Variants in ZNF223 observed in about 807,000 individuals in gnomAD.
The protein encoded by ZNF223 is zinc finger protein 223.
A neutral mutation model predicts 12.3 loss-of-function variants in ZNF223; 9 were observed. The observed-to-expected ratio is 0.73, with a 90% confidence interval of 0.44 to 1.28. ZNF223 has a LOEUF of 1.28. Ranked by LOEUF, ZNF223 falls within the 50% of genes most tolerant of loss-of-function variation. The pLI, the probability that ZNF223 is intolerant of heterozygous loss-of-function variation, is 0.00. For missense variants in ZNF223, 506 were observed against 579.0 expected (o/e 0.87, Z 1.29); for synonymous variants, 171 against 195.2 (o/e 0.88, Z 1.03).
rs970730753 is a variant in ZNF223, at chr19:44,057,433, G to C, written c.15+2242G>C. Among the ~76,000 whole-genome samples, 13 of 152,094 alleles carry C rather than the reference G, an allele frequency of 8.5e-5. 1 individual carries two copies. Among genetic ancestry groups the C allele is most frequent in the Middle Eastern group, 3.2e-3 (1 of 316 alleles). On this transcript the variant is annotated intron_variant, in intron 2 of 4. Transcript: ENST00000434772. ...TGTGAAATTAAATATTTATTATTTA[G>C]TGTAGCTAAAAATAGATCATCAGTT...
chr19:44,058,102 A>C (rs1264794589), intron 2 of ZNF223, among the ~76,000 whole-genome samples: 1 of 152,216 alleles, frequency 6.6e-6, no homozygotes, highest in Non-Finnish European at 1.5e-5. Context: ...CTTGAAGGTC[A>C]TCTTCCTTCC....
At chr19:44,060,662 CAGTGGGAACCTAAATTTCCAATA>C in intron 3 of ZNF223, 64 bp from the exon 4 acceptor site, 1 of 1,613,186 alleles carries the variant, frequency 6.2e-7, no homozygotes, top group Non-Finnish European at 8.5e-7. Context: ...TTTGAGTGTG[CAGTGGGAACCTAAATTTCCAATA>C]AGTGTTACCG....
At chr19:44,059,504 A>G (rs914061781) in intron 2 of ZNF223, among the ~76,000 whole-genome samples, 13 of 152,196 alleles carry the variant, frequency 8.5e-5, no homozygotes, top group Non-Finnish European at 1.9e-4. Flanking sequence ...GAATAAATGC[A>G]GGGTAGCAGA....
chr19:44,066,958 G>A lies in ZNF223; in HGVS notation c.1130G>A (p.Cys377Tyr). Residue 377 changes from cysteine to tyrosine, a missense_variant, in exon 5 of 5, where the codon TGT becomes TAT. Cys to Tyr is a radical substitution (Grantham distance 194, BLOSUM62 -2). Coordinates refer to ENST00000434772, the MANE Select transcript of ZNF223 (RefSeq NM_013361.6). Reference protein sequence around the residue: ...TGEKPYKCDKCGKSYITKSGL... With the variant: ...TGEKPYKCDKYGKSYITKSGL... ...GAAAAGCCATACAAATGTGACAAGT[G>A]TGGGAAGAGCTACATTACTAAGTCA... 3 of 1,614,170 alleles carry A rather than the reference G, an allele frequency of 1.9e-6. No homozygotes were observed. Among genetic ancestry groups the A allele is most frequent in the Non-Finnish European group, 2.5e-6 (3 of 1,180,024 alleles).
chr19:44,053,029 A>T (rs190012996), intron 1 of ZNF223, among the ~76,000 whole-genome samples: 31 of 152,024 alleles, frequency 2.0e-4, no homozygotes, highest in Non-Finnish European at 2.5e-4. Context: ...CCTCTGCCCC[A>T]CCCTTCACCT....
intron 4 of ZNF223, among the ~76,000 whole-genome samples, chr19:44,065,577 C>CTTTTT (rs758805971): frequency 1.8e-4 from 20 of 113,708 alleles, no homozygotes; most frequent in African/African-American, 2.5e-4. Context: ...TCTTTCTTTT[C>CTTTTT]TTTTTTTTTT....
chr19:44,059,908 G>A (rs59559013), intron 2 of ZNF223, among the ~76,000 whole-genome samples: 1,545 of 152,266 alleles, frequency 0.01, 24 homozygotes, highest in African/African-American at 0.035. Flanking sequence ...TAGAAGTCAG[G>A]GGATGTTCAG....
In ZNF223 at chr19:44,066,241, T is replaced by C; in HGVS notation, c.413T>C (p.Leu138Pro). 1 of 1,614,218 alleles carries C rather than the reference T, an allele frequency of 6.2e-7. No homozygotes were observed. Among genetic ancestry groups the C allele is most frequent in the Non-Finnish European group, 8.5e-7 (1 of 1,180,034 alleles). ...GCCCACTCCCAGGTTGAGGAAGGAC[T>C]ATCTATAATGCACACAGGACAGAAA... ...GDAHSQVEEG[L>P]SIMHTGQKPS... The change falls in exon 5 of 5, where the codon CTA (leucine) becomes CCA (proline). Residue 138 changes from leucine (L) to proline (P), a missense_variant. By Grantham distance (98) the Leu-to-Pro change is moderately conservative (BLOSUM62 -3). Transcript: ENST00000434772.
chr19:44,062,141 G>A (rs968827573), intron 4 of ZNF223, among the ~76,000 whole-genome samples: 3 of 152,136 alleles, frequency 2.0e-5, no homozygotes, highest in African/African-American at 7.2e-5. Flanking sequence ...TAGGAATCAT[G>A]GAGCTAGCTA....
At chr19:44,054,536 A>G (rs1444643816) in intron 1 of ZNF223, among the ~76,000 whole-genome samples, 1 of 151,684 alleles carries the variant, frequency 6.6e-6, no homozygotes, top group Non-Finnish European at 1.5e-5. Flanking sequence ...GTGCATTAAC[A>G]GTTTTTTTTT....
chr19:44,062,948 G>A (rs942204256), intron 4 of ZNF223, among the ~76,000 whole-genome samples: 54 of 152,156 alleles, frequency 3.5e-4, no homozygotes, highest in African/African-American at 1.2e-3. Flanking sequence ...AAAAATGTGC[G>A]TATTTCCCTT....
chr19:44,051,829 G>A (rs1207862020), upstream of ZNF223: 1 of 152,236 alleles, frequency 6.6e-6, no homozygotes, highest in African/African-American at 2.4e-5. Flanking sequence ...ATTCTGGGAA[G>A]AGTAGTCCAT....
At chr19:44,051,886 G>A (rs1976704646), upstream of ZNF223, 1 of 152,152 alleles carries the variant, frequency 6.6e-6, no homozygotes, top group Non-Finnish European at 1.5e-5. Context: ...TGGGTATTTT[G>A]GCTCTGGCAG....
At chr19:44,052,320 G>C (rs1976711067) in intron 1 of ZNF223, 125 bp downstream of exon 1, 1 of 152,220 alleles carries the variant, frequency 6.6e-6, no homozygotes, top group African/African-American at 2.4e-5. Context: ...AGGGTTTCCA[G>C]GACTTTGACC....
intron 2 of ZNF223, among the ~76,000 whole-genome samples, chr19:44,059,221 G>T (rs1430886491): frequency 2.0e-5 from 3 of 152,212 alleles, no homozygotes; most frequent in Non-Finnish European, 4.4e-5. Context: ...CACTCATCCA[G>T]TCCTGGTTTT....
chr19:44,056,447 G>T (rs1310908967), intron 2 of ZNF223, among the ~76,000 whole-genome samples: 2 of 145,122 alleles, frequency 1.4e-5, no homozygotes, highest in African/African-American at 2.5e-5. Context: ...CAGGAGAATG[G>T]CGTGAACCCA....
In ZNF223 at chr19:44,067,161, G is replaced by A. The variant is rs970886757; in HGVS notation, c.1333G>A (p.Asp445Asn). 1.2e-6 allele frequency: 2 copies of A among 1,612,424 alleles called. No individual in the cohort carries two copies. Among genetic ancestry groups the A allele is most frequent in the East Asian group, 4.5e-5 (2 of 44,874 alleles). ...GCTTGTATACCGGTCATACCGTAAA[G>A]ACCAACAAAAAAACCACAGTGGAGA... ...KKLVYRSYRK[D>N]QQKNHSGENP... is the part of the protein sequence containing the mutation. Residue 445 changes from aspartate to asparagine, a missense_variant, in exon 5 of 5, where the codon GAC becomes AAC. By Grantham distance (23) the Asp-to-Asn change is conservative. Transcript: ENST00000434772.
At chr19:44,053,525 G>A (rs1976727374) in intron 1 of ZNF223, among the ~76,000 whole-genome samples, 1 of 152,308 alleles carries the variant, frequency 6.6e-6, no homozygotes, top group East Asian at 1.9e-4. Context: ...CCATAAGGCG[G>A]TTTTCTCCTA....
At chr19:44,054,355 A>G (rs1976738936) in intron 1 of ZNF223, among the ~76,000 whole-genome samples, 1 of 151,784 alleles carries the variant, frequency 6.6e-6, no homozygotes, top group African/African-American at 2.4e-5. Context: ...TTCCACTCTT[A>G]TGTTACTTTT....
Sources: gnomAD v4.1 joint callset for allele counts (sites outside exome capture counted in the v4.1 genomes callset) on GRCh38, gnomAD v4.1.1 for gene constraint, MANE v1.5 for transcripts, NCBI Gene and HGNC (gene_info 2026-07-23, HGNC 2026-07-21) for gene names.